The following KDM4C variants were observed in gnomAD, a reference collection of about 807,000 sequenced individuals.
The protein encoded by KDM4C is lysine-specific demethylase 4C.
In KDM4C, 81 loss-of-function variants were observed where a neutral mutation model predicts 129.3. The observed-to-expected ratio is 0.63, with a 90% CI of 0.52 to 0.75. The LOEUF (loss-of-function observed/expected upper bound fraction) is 0.75, where lower values mean the gene tolerates loss of function less well. Among genes scored for constraint, KDM4C ranks in the 30% least tolerant of loss-of-function variants. The pLI is 0.00. For synonymous variants in KDM4C, 573 were observed against 456.1 expected, an observed-to-expected ratio of 1.26 and a Z score of -3.26; for missense variants, 1,457 against 1,304.0, an observed-to-expected ratio of 1.12 and a Z score of -1.81.
chr9:7,022,524 C>T (rs531236104), intron 15 of KDM4C, among the ~76,000 whole-genome samples: 49 of 151,944 alleles, frequency 3.2e-4, no homozygotes, highest in African/African-American at 1.2e-3. Context: ...CTGAATTTAT[C>T]AGTTCTAGTA....
chr9:7,164,380 A>T (rs1844141976), intron 19 of KDM4C, among the ~76,000 whole-genome samples: 1 of 150,656 alleles, frequency 6.6e-6, no homozygotes, highest in Non-Finnish European at 1.5e-5. Flanking sequence ...TTCAGGATTA[A>T]TCACCTGGGG....
intron 4 of KDM4C, among the ~76,000 whole-genome samples, chr9:6,831,527 G>C (rs1174270864): frequency 6.6e-6 from 1 of 152,094 alleles, no homozygotes; most frequent in Non-Finnish European, 1.5e-5. Context: ...ATTTTTAGTA[G>C]AGATGGGGTT....
chr9:6,755,893 C>G (rs1449778897), upstream of KDM4C, among the ~76,000 whole-genome samples: 1 of 152,144 alleles, frequency 6.6e-6, no homozygotes, highest in African/African-American at 2.4e-5. Flanking sequence ...TAGTGCTTTA[C>G]AGCTTTTGAA....
chr9:6,803,286 T>C (rs1829344190), intron 2 of KDM4C, among the ~76,000 whole-genome samples: 1 of 152,134 alleles, frequency 6.6e-6, no homozygotes, highest in African/African-American at 2.4e-5. Context: ...AAAAAGATTG[T>C]TTTAGGCCAG....
chr9:7,095,272 A>T (rs1197745223), intron 17 of KDM4C, among the ~76,000 whole-genome samples: 1 of 152,098 alleles, frequency 6.6e-6, no homozygotes, highest in Non-Finnish European at 1.5e-5. Flanking sequence ...ACTATACACT[A>T]CTCTCTGAAA....
intron 8 of KDM4C, among the ~76,000 whole-genome samples, chr9:6,931,183 T>C (rs1823666902): frequency 6.6e-6 from 1 of 150,908 alleles, no homozygotes; most frequent in African/African-American, 2.4e-5. Flanking sequence ...GCAGCATGCA[T>C]TGCTGGATAC....
intron 8 of KDM4C, among the ~76,000 whole-genome samples, chr9:6,902,209 T>A (rs1817530793): frequency 6.6e-6 from 1 of 152,214 alleles, no homozygotes. Context: ...CAGTCTCTTT[T>A]CTCCAAGAAT....
At chr9:6,884,729 C>G (rs981602243) in intron 6 of KDM4C, among the ~76,000 whole-genome samples, 1 of 152,074 alleles carries the variant, frequency 6.6e-6, no homozygotes, top group African/African-American at 2.4e-5. Context: ...GTTTGTATAC[C>G]CATAAAAATG....
chr9:6,891,362 TG>T (rs761963115), intron 7 of KDM4C, among the ~76,000 whole-genome samples: 10 of 152,206 alleles, frequency 6.6e-5, no homozygotes, highest in Admixed American at 2.0e-4. Flanking sequence ...TGCTACAACC[TG>T]GGTGAACTTT....
chr9:6,728,715 G>A (rs1028454810), intron 1 of KDM4C, among the ~76,000 whole-genome samples: 3 of 149,406 alleles, frequency 2.0e-5, no homozygotes, highest in African/African-American at 4.9e-5. Flanking sequence ...GGATGGTGGC[G>A]CATGCCTATA....
chr9:6,926,341 TA>T (rs33974740), intron 8 of KDM4C, among the ~76,000 whole-genome samples: 22 of 107,378 alleles, frequency 2.0e-4, no homozygotes, highest in East Asian at 4.8e-4. Context: ...AGATAATTTG[TA>T]AAAAAAAAAA....
intron 15 of KDM4C, among the ~76,000 whole-genome samples, chr9:7,028,680 G>A (rs999610419): frequency 6.6e-6 from 1 of 152,060 alleles, no homozygotes; most frequent in Admixed American, 6.6e-5. Context: ...GGCCTAGACT[G>A]CCTTTCATGT....
At chr9:6,917,763 G>A (rs1192712135) in intron 8 of KDM4C, among the ~76,000 whole-genome samples, 1 of 152,088 alleles carries the variant, frequency 6.6e-6, no homozygotes, top group East Asian at 1.9e-4. Flanking sequence ...ACTGCACACA[G>A]CACATTTTCC....
intron 1 of KDM4C, among the ~76,000 whole-genome samples, chr9:6,787,499 C>T (rs972485595): frequency 2.6e-5 from 4 of 152,252 alleles, no homozygotes; most frequent in African/African-American, 4.8e-5. Context: ...TCCCAAGGTG[C>T]TGGGATTACA....
intron 2 of KDM4C, among the ~76,000 whole-genome samples, chr9:6,794,401 C>T (rs1827329145): frequency 6.6e-6 from 1 of 152,158 alleles, no homozygotes; most frequent in African/African-American, 2.4e-5. Context: ...GGAAGGTGGT[C>T]AGTGGACTTG....
rs568782315 is a variant in KDM4C at position 6,859,455 on chromosome 9, C to T, written c.629+9755C>T. The stretch of plus-strand genomic sequence containing the variant: ...ACGCCACTGCACTCCAGCCTGGCGA[C>T]AGAGCGGGACTCTGTCTCAAAAAAA... On this transcript the variant is annotated intron_variant, in intron 5 of 21. Coordinates refer to ENST00000381309, the MANE Select transcript of KDM4C (RefSeq NM_015061.6). Among the ~76,000 whole-genome samples, 12 of 114,046 alleles carry T rather than the reference C, an allele frequency of 1.1e-4. No individual in the cohort carries two copies. The Admixed American group carries it at 1.2e-3, about 12-fold the overall frequency. 74.8% of individuals were successfully genotyped at this position (114,046 alleles called of 152,430 possible).
At chr9:6,844,752 ATC>A (rs1837559623) in intron 4 of KDM4C, among the ~76,000 whole-genome samples, 1 of 152,048 alleles carries the variant, frequency 6.6e-6, no homozygotes. Context: ...CAGTGGCATG[ATC>A]TCTGCTCACC....
intron 4 of KDM4C, among the ~76,000 whole-genome samples, chr9:6,816,451 C>G (rs1401445532): frequency 6.6e-6 from 1 of 152,128 alleles, no homozygotes; most frequent in East Asian, 1.9e-4. Flanking sequence ...TGAAGGTAAT[C>G]ATTTTCTTCT....
intron 17 of KDM4C, among the ~76,000 whole-genome samples, chr9:7,061,053 A>G (rs1831592310): frequency 6.6e-6 from 1 of 152,018 alleles, no homozygotes; most frequent in Non-Finnish European, 1.5e-5. Context: ...ATATGCCTGT[A>G]TTTACTTTGT....
Sources: allele counts gnomAD v4.1 joint callset (sites outside exome capture counted in the v4.1 genomes callset), GRCh38; gene constraint gnomAD v4.1.1; transcripts MANE v1.5; gene names NCBI Gene and HGNC (gene_info 2026-07-23, HGNC 2026-07-21).